The following DGKH variants were observed in gnomAD, a reference collection of about 807,000 sequenced individuals.
DGKH encodes the protein diacylglycerol kinase eta.
A neutral mutation model predicts 159.3 loss-of-function variants in DGKH; 90 were observed. The observed-to-expected ratio is 0.57, with a 90% CI of 0.48 to 0.67. DGKH has a LOEUF of 0.67. Among genes scored for constraint, DGKH ranks in the 30% least tolerant of loss-of-function variants. The probability of loss-of-function intolerance (pLI) is 0.00; values close to 1 mark genes in which losing one functional copy is unlikely to be tolerated. For synonymous variants in DGKH, 536 were observed against 553.8 expected (o/e 0.97, Z 0.45); for missense variants, 1,181 against 1,506.1 (o/e 0.78, Z 3.57).
rs116309314 is a variant in DGKH, at chr13:42,206,663, G to A, written c.2601+517G>A. On this transcript the variant is annotated intron_variant, in intron 21 of 29. Coordinates refer to ENST00000337343, the MANE Select transcript of DGKH (RefSeq NM_178009.5). ...ACTCTTATTTCCCTGTCTTTGGAGC[G>A]TCTCGAGGCTGCCCACATTCCCCTC... Among the ~76,000 whole-genome samples the A allele has an allele frequency of 5.5e-3, 841 of 152,088 alleles. 11 individuals are homozygous for A. The highest frequency in any genetic ancestry group is 0.02 in the African/African-American group (813 of 41,466).
intron 3 of DGKH, among the ~76,000 whole-genome samples, chr13:42,132,372 T>G (rs886124909): frequency 3.3e-5 from 5 of 152,264 alleles, no homozygotes; most frequent in Non-Finnish European, 2.9e-5. Context: ...CTGAAAATTA[T>G]TCTTCCTATT....
At chr13:42,073,179 G>C (rs971210625) in intron 1 of DGKH, among the ~76,000 whole-genome samples, 6 of 152,180 alleles carry the variant, frequency 3.9e-5, no homozygotes, top group South Asian at 2.1e-4. Context: ...TTGGTAAGAG[G>C]AATGAAATTT....
intron 11 of DGKH, among the ~76,000 whole-genome samples, chr13:42,169,477 G>T (rs1022829703): frequency 6.6e-6 from 1 of 152,166 alleles, no homozygotes; most frequent in Admixed American, 6.5e-5. Flanking sequence ...TATGGAGGAA[G>T]TGTTTAAAAT....
chr13:42,159,482 GA>G (rs1956125541), intron 6 of DGKH, 110 bp downstream of exon 6: 1 of 801,440 alleles, frequency 1.2e-6, no homozygotes, highest in Admixed American at 2.4e-5. Flanking sequence ...GGATTTAATA[GA>G]AGGTTTGGTT....
Position 42,140,173 on chromosome 13 carries a change from C to T in DGKH, c.384+10541C>T, listed in dbSNP as rs139226138. ...GTCTGAATATCCATGTTTTATGAAG[C>T]TGATTTCCTAGGTGGCCTTTAGCCT... On this transcript the variant is annotated intron_variant, in intron 3 of 29. Transcript: ENST00000337343. Among the ~76,000 whole-genome samples, 366 of 152,300 alleles carry T rather than the reference C, an allele frequency of 2.4e-3. 2 individuals are homozygous for T. The highest frequency in any genetic ancestry group is 0.011 in the South Asian group (51 of 4,814).
chr13:42,171,687 C>T (rs1440168465), intron 11 of DGKH, among the ~76,000 whole-genome samples: 1 of 152,130 alleles, frequency 6.6e-6, no homozygotes, highest in African/African-American at 2.4e-5. Flanking sequence ...TGCATCATAC[C>T]TATTTTTTGC....
intron 3 of DGKH, among the ~76,000 whole-genome samples, chr13:42,141,028 C>CCATTAACTCTTCATTTACATTAGGTATAT (rs55860412): frequency 1.9e-5 from 1 of 52,094 alleles, no homozygotes; most frequent in Non-Finnish European, 3.9e-5. Context: ...TGTGCTGAAC[C>CCATTAACTCTTCATTTACATTAGGTATAT]CTCCTAATGC....
At chr13:42,137,516 A>T (rs1375124536) in intron 3 of DGKH, among the ~76,000 whole-genome samples, 1 of 152,174 alleles carries the variant, frequency 6.6e-6, no homozygotes, top group Non-Finnish European at 1.5e-5. Flanking sequence ...TCTGGCCTCA[A>T]TTTCTATCTT....
chr13:42,139,002 T>C (rs1955469724), intron 3 of DGKH, among the ~76,000 whole-genome samples: 1 of 152,242 alleles, frequency 6.6e-6, no homozygotes, highest in South Asian at 2.1e-4. Context: ...TAGGGGCTTT[T>C]AGAAATGAAA....
intron 1 of DGKH, among the ~76,000 whole-genome samples, chr13:42,079,301 C>A (rs1012053): frequency 0.84 from 127,564 of 152,090 alleles, 54,014 homozygotes; most frequent in African/African-American, 0.93. Context: ...AAATATATAC[C>A]AAGTTATGGG....
chr13:42,054,241 T>C (rs1256095064), intron 1 of DGKH, among the ~76,000 whole-genome samples: 1 of 152,164 alleles, frequency 6.6e-6, no homozygotes, highest in East Asian at 1.9e-4. Flanking sequence ...AATTAGGAAA[T>C]ATTATTTAAA....
intron 1 of DGKH, among the ~76,000 whole-genome samples, chr13:42,118,563 G>A (rs1955006119): frequency 6.6e-6 from 1 of 152,238 alleles, no homozygotes; most frequent in African/African-American, 2.4e-5. Flanking sequence ...GACAGGATAA[G>A]GATGTATTAG....
chr13:42,063,097 A>T (rs1029387740), intron 1 of DGKH, among the ~76,000 whole-genome samples: 3 of 152,218 alleles, frequency 2.0e-5, no homozygotes, highest in African/African-American at 7.2e-5. Flanking sequence ...GATTATTGTG[A>T]AAATAGTGTT....
chr13:42,198,995 T>C (rs1177164792), intron 18 of DGKH, among the ~76,000 whole-genome samples: 1 of 152,248 alleles, frequency 6.6e-6, no homozygotes, highest in Non-Finnish European at 1.5e-5. Context: ...TTAAGACTCC[T>C]ACAATTTTTT....
intron 30 of DGKH, among the ~76,000 whole-genome samples, chr13:42,255,661 CAT>C (rs1366133650): frequency 6.6e-6 from 1 of 151,978 alleles, no homozygotes; most frequent in East Asian, 1.9e-4. Flanking sequence ...ATTAGATGCT[CAT>C]ATGAAAAAAG....
rs534738236 is a variant in DGKH at position 42,224,250 on chromosome 13, T to C, written c.3573+2856T>C. ...CACTCCTGTTCTGCCCCTTCTCCAG[T>C]GCTCTGCATTTTATAAATCAGATCT... On this transcript the variant is annotated intron_variant, in intron 29 of 29. Transcript: ENST00000337343. 2.6e-4 allele frequency among the ~76,000 whole-genome samples: 40 copies of C among 152,338 alleles called. 1 individual carries two copies. The South Asian group carries it at 7.0e-3, about 27-fold the overall frequency.
chr13:42,189,390 AT>A (rs1449533095), intron 15 of DGKH, 81 bp downstream of exon 15: 2 of 1,548,412 alleles, frequency 1.3e-6, no homozygotes, highest in African/African-American at 2.8e-5. Flanking sequence ...TAGTGGTCAG[AT>A]TGGACACACT....
At position 42,199,861 on chromosome 13, in the gene DGKH, G is replaced by A. The variant is rs770879680; in HGVS notation, c.2445G>A (p.Glu815=). ...GGTATGGAGTCCTTGGAACCCGGGA[G>A]TTATTACAGAGATCGTACAAGAATT... The part of the protein sequence containing the change: ...LMWYGVLGTR[E]LLQRSYKNLE... Residue 815 remains glutamate, a synonymous_variant, in exon 20 of 30, where the codon GAG becomes GAA. Coordinates refer to ENST00000337343, the MANE Select transcript of DGKH (RefSeq NM_178009.5). The A allele has an allele frequency of 1.2e-6, 2 of 1,612,708 alleles. No individual in the cohort carries two copies. Among genetic ancestry groups the A allele is most frequent in the East Asian group, 2.2e-5 (1 of 44,802 alleles).
At chr13:42,052,228 A>G (rs1881377284) in intron 1 of DGKH, among the ~76,000 whole-genome samples, 2 of 152,168 alleles carry the variant, frequency 1.3e-5, no homozygotes, top group Admixed American at 6.5e-5. Flanking sequence ...CCTCATGTGT[A>G]TTTTAGCACC....
Sources: gnomAD v4.1 joint callset for allele counts (sites outside exome capture counted in the v4.1 genomes callset) on GRCh38, gnomAD v4.1.1 for gene constraint, MANE v1.5 for transcripts, NCBI Gene and HGNC (gene_info 2026-07-23, HGNC 2026-07-21) for gene names.